Variants in NPEPL1 observed in about 807,000 individuals in gnomAD.
The protein encoded by NPEPL1 is aminopeptidase like 1, also known as probable aminopeptidase NPEPL1.
In NPEPL1, 45 loss-of-function variants were observed where a neutral mutation model predicts 52.4. The ratio of observed to expected loss-of-function variants is 0.86; its 90% CI spans 0.68 to 1.10. The LOEUF (loss-of-function observed/expected upper bound fraction) is 1.10. Ranked by LOEUF, NPEPL1 falls within the 50% of genes least tolerant of loss-of-function variation. The pLI is 0.00. For synonymous variants in NPEPL1, 360 were observed against 314.7 expected (o/e 1.14, Z -1.52); for missense variants, 696 against 710.9 (o/e 0.98, Z 0.24).
At chr20:58,705,295 A>C (rs948679244) in intron 6 of NPEPL1, among the ~76,000 whole-genome samples, 1 of 152,144 alleles carries the variant, frequency 6.6e-6, no homozygotes, top group African/African-American at 2.4e-5. Context: ...AGAGTGGCTC[A>C]TGGAGCTCAG....
At chr20:58,705,350 C>T in intron 6 of NPEPL1, 1 of 407,922 alleles carries the variant, frequency 2.5e-6, no homozygotes, top group Non-Finnish European at 5.0e-6. Context: ...TGACCGACCA[C>T]TGCCCGTCAG....
At chr20:58,707,654 T>C (rs879364447) in intron 7 of NPEPL1, among the ~76,000 whole-genome samples, 8 of 130,880 alleles carry the variant, frequency 6.1e-5, no homozygotes, top group Non-Finnish European at 1.3e-4. Context: ...CTTCCTCTCT[T>C]GCGTGGGCAG....
chr20:58,705,680 C>A, intron 6 of NPEPL1: 1 of 414,742 alleles, frequency 2.4e-6, no homozygotes. Flanking sequence ...TTTGCACAAT[C>A]AATCAGTTGA....
At chr20:58,698,955 G>A (rs565763240) in intron 4 of NPEPL1, among the ~76,000 whole-genome samples, 182 bp downstream of exon 4, 1 of 152,334 alleles carries the variant, frequency 6.6e-6, no homozygotes, top group South Asian at 2.1e-4. Flanking sequence ...GGGTGTGTGG[G>A]GAGGACAGAG....
chr20:58,707,034 C>A, intron 6 of NPEPL1, 89 bp from the exon 7 acceptor site: 1 of 1,122,064 alleles, frequency 8.9e-7, no homozygotes, highest in Admixed American at 2.4e-5. Context: ...GTGGGGCTAG[C>A]GTGGGGCCGG....
Position 58,694,507 on chromosome 20 carries a change from C to T in NPEPL1, c.422C>T (p.Ser141Phe). ...CTGTTCACCCACCGCTCAGGTGCCT[C>T]TCGGCGCTTGGAGAAGAAGACGGTC... is the stretch of plus-strand genomic sequence containing the variant. ...FPLFTHRSGA[S>F]RRLEKKTVTV... Residue 141 changes from serine to phenylalanine, a missense_variant, in exon 3 of 12, where the codon TCT becomes TTT. By Grantham distance (155) the Ser-to-Phe change is radical. Transcript: ENST00000356091. 6.2e-7 allele frequency: 1 copy of T among 1,614,024 alleles called. No homozygotes were observed. The highest frequency in any genetic ancestry group is 1.6e-4 in the Middle Eastern group (1 of 6,062).
At chr20:58,692,740 C>T (rs1423971059), upstream of NPEPL1, 4 of 894,000 alleles carry the variant, frequency 4.5e-6, no homozygotes, top group Non-Finnish European at 5.3e-6. The surrounding 1 kb of genome is among the most constrained non-coding windows in gnomAD (Gnocchi z 5.7). Context: ...CGGGCGGGCC[C>T]TGCACGTCTC....
chr20:58,691,890 C>A, upstream of NPEPL1: 1 of 1,047,234 alleles, frequency 9.5e-7, no homozygotes, highest in Non-Finnish European at 1.5e-6. Flanking sequence ...CATCGTCATT[C>A]CCTGACCCTT....
chr20:58,700,514 AGGACTTT>A (rs1485400692), intron 5 of NPEPL1, among the ~76,000 whole-genome samples: 1 of 152,246 alleles, frequency 6.6e-6, no homozygotes, highest in African/African-American at 2.4e-5. Flanking sequence ...CAATTATTGC[AGGACTTT>A]GAGCCATAGA....
At chr20:58,699,617 C>T (rs868648229) in intron 5 of NPEPL1, among the ~76,000 whole-genome samples, 115 of 152,236 alleles carry the variant, frequency 7.6e-4, no homozygotes, top group African/African-American at 2.7e-3. Flanking sequence ...TACACAAGTT[C>T]CCATCACGGC....
At chr20:58,707,283 C>T in intron 7 of NPEPL1, 83 bp downstream of exon 7, 3 of 1,225,250 alleles carry the variant, frequency 2.4e-6, no homozygotes, top group East Asian at 2.5e-5. Flanking sequence ...CGTCCCGCCA[C>T]AGGCCCCACC....
intron 6 of NPEPL1, chr20:58,703,489 C>CA (rs2084676072): frequency 2.0e-6 from 2 of 984,834 alleles, no homozygotes; most frequent in African/African-American, 1.8e-5. Flanking sequence ...TCAATACCCA[C>CA]GGTCACCCTG....
chr20:58,715,221 T>C lies in NPEPL1; in HGVS notation c.1467T>C (p.Arg489=). The change falls in exon 12 of 12, where the codon CGT becomes CGC. Residue 489 remains arginine (R), a synonymous_variant. Coordinates refer to ENST00000356091, the MANE Select transcript of NPEPL1 (RefSeq NM_024663.4). ...GVALLLALFG[R]ASEDPLLNLV... is the part of the protein sequence containing the mutation. ...CCCTCCTGCTGGCGCTCTTCGGCCG[T>C]GCCTCTGAGGACCCTCTGCTGAACC... 4 of 1,608,926 alleles carry C rather than the reference T, an allele frequency of 2.5e-6. No individual in the cohort carries two copies. Among genetic ancestry groups the C allele is most frequent in the Non-Finnish European group, 2.5e-6 (3 of 1,178,814 alleles).
At chr20:58,693,584 C>T in intron 1 of NPEPL1, 153 bp from the exon 2 acceptor site, 1 of 632,010 alleles carries the variant, frequency 1.6e-6, no homozygotes, top group East Asian at 2.9e-5. Flanking sequence ...AGAGGCGACA[C>T]ATCTCCCTAA....
intron 10 of NPEPL1, 89 bp from the exon 11 acceptor site, chr20:58,714,471 C>G (rs2084916404): frequency 2.1e-6 from 2 of 962,170 alleles, no homozygotes; most frequent in Non-Finnish European, 3.0e-6. Context: ...GAGCTCCTTG[C>G]AGACAGCAAT....
At chr20:58,696,928 C>T (rs2123094180) in intron 3 of NPEPL1, among the ~76,000 whole-genome samples, 1 of 152,336 alleles carries the variant, frequency 6.6e-6, no homozygotes, top group South Asian at 2.1e-4. Flanking sequence ...ACCACTCAGC[C>T]CTCTTGGGTC....
At chr20:58,711,079 C>G (rs1269910470) in intron 7 of NPEPL1, 1 of 111,254 alleles carries the variant, frequency 9.0e-6, no homozygotes, top group Non-Finnish European at 1.8e-5. Flanking sequence ...TCCCTCCTCC[C>G]CCCCCGCCTC....
chr20:58,701,029 T>C lies in NPEPL1; in HGVS notation c.693T>C (p.Val231=). The C allele has an allele frequency of 6.3e-7, 1 of 1,590,322 alleles. No individual in the cohort carries two copies. The highest frequency in any genetic ancestry group is 8.6e-7 in the Non-Finnish European group (1 of 1,168,940). The stretch of plus-strand genomic sequence containing the variant: ...CGCTTTCCATAGGAATCTATGGGGT[T>C]GGCAAAGCCGCCCTGCATCCCCCAG... The part of the protein sequence containing the change: ...KTRGFGGIYG[V]GKAALHPPAL... Residue 231 remains valine, a synonymous_variant, in exon 6 of 12, where the codon GTT becomes GTC. Coordinates refer to ENST00000356091, the MANE Select transcript of NPEPL1 (RefSeq NM_024663.4).
chr20:58,712,336 A>G (rs1049540907), intron 7 of NPEPL1, 143 bp from the exon 8 acceptor site: 2 of 623,662 alleles, frequency 3.2e-6, no homozygotes, highest in Admixed American at 5.0e-5. Flanking sequence ...CCGGGATGGC[A>G]GGGAGGGCGA....
Sources: allele counts gnomAD v4.1 joint callset (sites outside exome capture counted in the v4.1 genomes callset), GRCh38; gene constraint gnomAD v4.1.1; non-coding constraint Gnocchi (gnomAD v3.1); transcripts MANE v1.5; gene names NCBI Gene and HGNC (gene_info 2026-07-23, HGNC 2026-07-21).